The following NBAS variants were observed in gnomAD, a reference collection of about 807,000 sequenced individuals.
NBAS encodes NBAS subunit of NRZ tethering complex, also known as NAG/BC035112 fusion.
In NBAS, 219 loss-of-function variants were observed where a neutral mutation model predicts 302.5. The ratio of observed to expected loss-of-function variants is 0.72; its 90% CI spans 0.65 to 0.81. The LOEUF (loss-of-function observed/expected upper bound fraction) is 0.81. Among genes scored for constraint, NBAS ranks in the 30% least tolerant of loss-of-function variants. The pLI is 0.00. For missense variants in NBAS, 2,932 were observed against 2,841.6 expected (o/e 1.03, Z -0.72); for synonymous variants, 1,118 against 1,021.6 (o/e 1.09, Z -1.80).
chr2:15,213,546 T>A (rs1666517539), intron 48 of NBAS, among the ~76,000 whole-genome samples: 1 of 152,180 alleles, frequency 6.6e-6, no homozygotes, highest in African/African-American at 2.4e-5. Context: ...GCCATATATT[T>A]CCCTGGAAAA....
chr2:15,361,663 A>G lies in NBAS; in HGVS notation c.3817+4917T>C, dbSNP rs192695797. Among the ~76,000 whole-genome samples the G allele has an allele frequency of 7.2e-5, 11 of 152,286 alleles. 1 individual carries two copies. In the South Asian group the frequency reaches 1.5e-3, roughly 20 times the overall value. On this transcript the variant is annotated intron_variant, in intron 32 of 51. Transcript: ENST00000281513. The stretch of plus-strand genomic sequence containing the variant: ...ATCTAATATATTTCATATTTTAAAG[A>G]GCCTTAAAATTATTTTTAATATTTC...
intron 12 of NBAS, among the ~76,000 whole-genome samples, chr2:15,484,775 A>G (rs776133841): frequency 1.3e-5 from 2 of 152,174 alleles, no homozygotes; most frequent in Non-Finnish European, 2.9e-5. Context: ...AAGAGCAGGG[A>G]CTATGACACT....
chr2:15,199,896 ATT>A (rs35760010), intron 48 of NBAS, among the ~76,000 whole-genome samples: 15 of 121,398 alleles, frequency 1.2e-4, no homozygotes, highest in Admixed American at 1.7e-4. Context: ...AGAAAGCTGG[ATT>A]TTTTTTTTTT....
chr2:14,892,478 T>C, the NBAS span, among the ~76,000 whole-genome samples: 1 of 151,682 alleles, frequency 6.6e-6, no homozygotes, highest in South Asian at 2.1e-4. Context: ...TTCTGCATAC[T>C]TTTTAAATCG....
Position 15,190,087 on chromosome 2 carries a change from G to A in NBAS, c.6572+177C>T, listed in dbSNP as rs2302941. ...AAATATTAGAGTTTAGGGGCAAGGA[G>A]AAACGGAAAGACATTGCAATATTTC... On this transcript the variant is annotated intron_variant, in intron 49 of 51. Transcript: ENST00000281513. Among the ~76,000 whole-genome samples, 43,082 of 151,968 alleles carry A rather than the reference G, an allele frequency of 0.28. 6,721 individuals are homozygous for A. Among genetic ancestry groups the A allele is most frequent in the African/African-American group, 0.42 (17,602 of 41,430 alleles).
At chr2:15,422,980 C>T (rs189060067) in intron 23 of NBAS, among the ~76,000 whole-genome samples, 2 of 152,302 alleles carry the variant, frequency 1.3e-5, no homozygotes, top group East Asian at 3.9e-4. Flanking sequence ...ATAACTCATA[C>T]AGTGCCACTG....
At chr2:15,011,915 ATGAG>A in the NBAS span, among the ~76,000 whole-genome samples, 3 of 152,220 alleles carry the variant, frequency 2.0e-5, no homozygotes, top group South Asian at 2.1e-4. Context: ...ATCTATATGA[ATGAG>A]TATTTTCCTA....
the NBAS span, among the ~76,000 whole-genome samples, chr2:14,878,184 G>A: frequency 6.6e-6 from 1 of 152,118 alleles, no homozygotes; most frequent in African/African-American, 2.4e-5. Context: ...AACACTCCTG[G>A]CACCAACTGG....
chr2:15,145,153 C>T, the NBAS span, among the ~76,000 whole-genome samples: 2 of 152,208 alleles, frequency 1.3e-5, no homozygotes, highest in East Asian at 3.9e-4. Flanking sequence ...CTTAAGGTGG[C>T]AAAGAATAGA....
chr2:15,550,275 T>C (rs998389012), intron 6 of NBAS, among the ~76,000 whole-genome samples: 10 of 152,218 alleles, frequency 6.6e-5, no homozygotes, highest in African/African-American at 2.4e-4. Context: ...TTGCTCTCTA[T>C]TGATGTCAAA....
chr2:15,349,550 G>T lies in NBAS; in HGVS notation c.4179+2442C>A, dbSNP rs567790429. On this transcript the variant is annotated intron_variant, in intron 35 of 51. Coordinates refer to ENST00000281513, the MANE Select transcript of NBAS (RefSeq NM_015909.4). The stretch of plus-strand genomic sequence containing the variant: ...AAAGAAGTCTACTGCCTGCAGTGCT[G>T]GTGGCTGAATGCCATCCTCCACTGA... 3.3e-5 allele frequency among the ~76,000 whole-genome samples: 5 copies of T among 152,298 alleles called. 1 individual carries two copies. The South Asian group carries it at 1.0e-3, about 32-fold the overall frequency.
chr2:14,805,832 A>G, the NBAS span, among the ~76,000 whole-genome samples: 2 of 152,080 alleles, frequency 1.3e-5, no homozygotes, highest in Non-Finnish European at 2.9e-5. Context: ...TTGATCCTTC[A>G]GTGCACCTCT....
At chr2:15,040,052 G>A in the NBAS span, among the ~76,000 whole-genome samples, 1 of 152,212 alleles carries the variant, frequency 6.6e-6, no homozygotes, top group South Asian at 2.1e-4. Context: ...ACTCTGCGAG[G>A]ATGGAATCGA....
At chr2:15,052,001 C>G in the NBAS span, among the ~76,000 whole-genome samples, 4 of 152,202 alleles carry the variant, frequency 2.6e-5, no homozygotes, top group South Asian at 2.1e-4. Context: ...GCCTGTAAAA[C>G]TCTGATAACT....
the NBAS span, among the ~76,000 whole-genome samples, chr2:15,133,702 T>C: frequency 6.6e-6 from 1 of 152,262 alleles, no homozygotes. Context: ...TACAAAACAA[T>C]GTGGCTAGTA....
chr2:15,061,670 G>A, the NBAS span, among the ~76,000 whole-genome samples: 4 of 152,200 alleles, frequency 2.6e-5, no homozygotes, highest in South Asian at 6.2e-4. Flanking sequence ...AGCTGGCTTC[G>A]CCCAGGACCC....
chr2:14,986,006 G>A, the NBAS span, among the ~76,000 whole-genome samples: 1 of 152,148 alleles, frequency 6.6e-6, no homozygotes, highest in Non-Finnish European at 1.5e-5. Flanking sequence ...TATGGCCAGA[G>A]CCACATGAGT....
Position 15,247,709 on chromosome 2 carries a change from T to TATACCTCTATCTAC in NBAS, c.5725-9024_5725-9023insGTAGATAGAGGTAT, listed in dbSNP as rs551728250. On this transcript the variant is annotated intron_variant, in intron 44 of 51. Coordinates refer to ENST00000281513, the MANE Select transcript of NBAS (RefSeq NM_015909.4). ...ATATATATCTATATATCTCTCTATA[T>TATACCTCTATCTAC]ATATCTATATATACCTCTATCTATA... 4.9e-3 allele frequency among the ~76,000 whole-genome samples: 559 copies of TATACCTCTATCTAC among 113,478 alleles called. 3 individuals are homozygous for TATACCTCTATCTAC. In the East Asian group the frequency reaches 0.051, roughly 10 times the overall value. 74.4% of individuals were successfully genotyped at this position (113,478 alleles called of 152,430 possible).
At chr2:15,300,539 T>C (rs1156382550) in intron 40 of NBAS, among the ~76,000 whole-genome samples, 2 of 152,206 alleles carry the variant, frequency 1.3e-5, no homozygotes, top group Non-Finnish European at 2.9e-5. Flanking sequence ...TTCAAATCCA[T>C]GAGGGTCAGA....
Sources: gnomAD v4.1 joint callset for allele counts (sites outside exome capture counted in the v4.1 genomes callset) on GRCh38, gnomAD v4.1.1 for gene constraint, MANE v1.5 for transcripts, NCBI Gene and HGNC (gene_info 2026-07-23, HGNC 2026-07-21) for gene names.